The following CASP4 variants were observed in gnomAD, a reference collection of about 807,000 sequenced individuals.
CASP4 encodes the protein caspase-4.
CASP4 carries 29 observed loss-of-function variants against 41.3 expected under a neutral mutation model. The ratio of observed to expected loss-of-function variants is 0.70; its 90% confidence interval spans 0.52 to 0.96. CASP4 has a LOEUF of 0.96. CASP4 is among the 40% of genes least tolerant of loss of function. The pLI, the probability that CASP4 is intolerant of heterozygous loss-of-function variation, is 0.00. For synonymous variants in CASP4, 185 were observed against 158.4 expected, an observed-to-expected ratio of 1.17 and a Z score of -1.26; for missense variants, 447 against 460.6, an observed-to-expected ratio of 0.97 and a Z score of 0.27.
At chr11:104,948,851 C>T in intron 5 of CASP4, 175 bp from the exon 6 acceptor site, 1 of 413,630 alleles carries the variant, frequency 2.4e-6, no homozygotes, top group Non-Finnish European at 4.3e-6. Flanking sequence ...TTTTCTTTCT[C>T]TCCAGTGTCA....
intron 7 of CASP4, chr11:104,946,480 C>T (rs1028020223): frequency 6.6e-6 from 1 of 152,094 alleles, no homozygotes; most frequent in Non-Finnish European, 1.5e-5. Flanking sequence ...GATGTACGAG[C>T]TATGGAGAAA....
At chr11:104,956,677 G>C (rs753295379) in intron 1 of CASP4, 1 of 983,828 alleles carries the variant, frequency 1.0e-6, no homozygotes, top group Admixed American at 6.2e-5. Flanking sequence ...CATTCCAACA[G>C]GTGAGATCAC....
chr11:104,966,519 T>A (rs935213944), intron 1 of CASP4, among the ~76,000 whole-genome samples: 3 of 152,176 alleles, frequency 2.0e-5, no homozygotes, highest in Middle Eastern at 3.2e-3. Flanking sequence ...GTGTCTCAGG[T>A]ACAGCTGTCC....
Position 104,951,038 on chromosome 11 carries a change from CTG to C in CASP4, c.431_432del (p.Thr144ArgfsTer3). ...RTRLALIICN[T>X]EFDHLPPRNG... ...TTCCTCGGAGGCAGATGGTCAAACT[CTG>C]TATTGCATATGATGAGAGCCAGGCG... On this transcript the variant is annotated frameshift_variant, in exon 4 of 9. Coordinates refer to ENST00000444739, the MANE Select transcript of CASP4 (RefSeq NM_001225.4). LOFTEE classifies it high-confidence loss of function. 1 of 1,613,466 alleles carries C rather than the reference CTG, an allele frequency of 6.2e-7. No homozygotes were observed.
intron 1 of CASP4, among the ~76,000 whole-genome samples, chr11:104,956,351 T>C (rs1475220126): frequency 6.6e-6 from 1 of 152,070 alleles, no homozygotes. Flanking sequence ...TAGTTAATCA[T>C]GATATGGTTC....
At position 104,968,516 on chromosome 11, in the gene CASP4, C is replaced by T. The variant is rs1313924609; in HGVS notation, c.7+3G>A. ...CCAAACTCCTAGTCAGAAAAGGACT[C>T]ACCTGCCATAGGGAACAGCCTCTGT... On this transcript the variant is annotated splice_donor_region_variant and intron_variant, in intron 1 of 8. Coordinates refer to ENST00000444739, the MANE Select transcript of CASP4 (RefSeq NM_001225.4). The T allele has an allele frequency of 6.2e-7, 1 of 1,613,002 alleles. No homozygotes were observed. Among genetic ancestry groups the T allele is most frequent in the East Asian group, 2.2e-5 (1 of 44,830 alleles).
At chr11:104,967,436 C>G (rs952411828) in intron 1 of CASP4, among the ~76,000 whole-genome samples, 2 of 152,034 alleles carry the variant, frequency 1.3e-5, no homozygotes, top group Admixed American at 1.3e-4. Flanking sequence ...AAACTGGATA[C>G]ACATGTTTCA....
rs1018752903 is a variant in CASP4 at position 104,951,168 on chromosome 11, T to C, written c.373-70A>G. Reference sequence around the variant, plus strand: ...CTTTCAGCCTCCTTATGCCTATCAGTGTTGCTTTTTCAAGTCTTCATGCAG... The same window carrying C: ...CTTTCAGCCTCCTTATGCCTATCAGCGTTGCTTTTTCAAGTCTTCATGCAG... On this transcript the variant is annotated intron_variant, in intron 3 of 8. Transcript: ENST00000444739. 3 of 1,419,714 alleles carry C rather than the reference T, an allele frequency of 2.1e-6. No homozygotes were observed. The African/African-American group carries it at 4.3e-5, about 20-fold the overall frequency. The allele number at this position is 1,419,714 out of a possible 1,614,324, so 87.9% of individuals were successfully genotyped here. A position where few individuals can be genotyped will look rare whatever the true frequency, so the allele number is the denominator to read the frequency against.
chr11:104,944,539 T>G (rs1023753658), intron 8 of CASP4: 1 of 497,498 alleles, frequency 2.0e-6, no homozygotes, highest in Non-Finnish European at 3.6e-6. Context: ...ACCTCCTTGA[T>G]TGATTGATTG....
chr11:104,960,650 A>G (rs1161693890), intron 1 of CASP4, among the ~76,000 whole-genome samples: 1 of 152,160 alleles, frequency 6.6e-6, no homozygotes, highest in African/African-American at 2.4e-5. Context: ...TTGTATTTTT[A>G]GTAGAGATGG....
chr11:104,947,492 T>C lies in CASP4; in HGVS notation c.926-300A>G, dbSNP rs1038427457. On this transcript the variant is annotated intron_variant, in intron 6 of 8. Transcript: ENST00000444739. ...AACTCATGTTCATTCTCTCAGCTTT[T>C]ATAGGGGCTTGAGAAATAACTAGAA... The C allele has an allele frequency of 1.6e-5, 3 of 185,054 alleles. No individual in the cohort carries two copies. The East Asian group carries it at 3.8e-4, about 24-fold the overall frequency. The allele number at this position is 185,054 out of a possible 1,614,324, so 11.5% of individuals were successfully genotyped here.
At chr11:104,944,184 G>A (rs1860392891) in intron 8 of CASP4, 2 of 154,526 alleles carry the variant, frequency 1.3e-5, no homozygotes, top group South Asian at 4.0e-4. Context: ...TACAGTGTAG[G>A]ATGTATTCTG....
rs781670566 is a variant in CASP4 at position 104,954,738 on chromosome 11, C to T, written c.262+9G>A. On this transcript the variant is annotated intron_variant, in intron 2 of 8. Transcript: ENST00000444739. ...ATTGAGACATTCATTGTAAAAAATC[C>T]AGTCTTACCTTTTTTATTGGGGGAT... 14 of 1,610,228 alleles carry T rather than the reference C, an allele frequency of 8.7e-6. No homozygotes were observed. The highest frequency in any genetic ancestry group is 1.2e-5 in the Non-Finnish European group (14 of 1,178,172).
chr11:104,951,457 A>G (rs1860611831), intron 3 of CASP4: 1 of 241,408 alleles, frequency 4.1e-6, no homozygotes, highest in Non-Finnish European at 8.1e-6. Flanking sequence ...CTTCGGAAGC[A>G]TAGCTATTTT....
chr11:104,964,450 A>T (rs1860929943), intron 1 of CASP4, among the ~76,000 whole-genome samples: 1 of 152,292 alleles, frequency 6.6e-6, no homozygotes, highest in East Asian at 1.9e-4. Flanking sequence ...TCTCTACCTG[A>T]TTTCTCCAGA....
chr11:104,947,826 G>T (rs59152082), intron 6 of CASP4: 1 of 152,086 alleles, frequency 6.6e-6, no homozygotes, highest in African/African-American at 2.4e-5. Flanking sequence ...ACGCAGTCAC[G>T]GAATGATGAT....
chr11:104,958,349 A>G (rs1206822499), intron 1 of CASP4, among the ~76,000 whole-genome samples: 1 of 152,232 alleles, frequency 6.6e-6, no homozygotes, highest in Non-Finnish European at 1.5e-5. Flanking sequence ...GAGATAATCA[A>G]CAGTATGGTA....
intron 8 of CASP4, chr11:104,944,104 A>G (rs1408963608): frequency 6.6e-6 from 1 of 152,228 alleles, no homozygotes; most frequent in Non-Finnish European, 1.5e-5. Context: ...TTCAAAAGCC[A>G]ACCCTGAGTG....
intron 7 of CASP4, chr11:104,946,772 C>T (rs1475463367): frequency 2.1e-5 from 4 of 186,726 alleles, no homozygotes; most frequent in South Asian, 1.9e-4. Context: ...AGCAGACCAC[C>T]CAGATTTTAT....
Sources: gnomAD v4.1 joint callset for allele counts (sites outside exome capture counted in the v4.1 genomes callset) on GRCh38, gnomAD v4.1.1 for gene constraint, MANE v1.5 for transcripts, NCBI Gene and HGNC (gene_info 2026-07-23, HGNC 2026-07-21) for gene names.